DCDC1: variants seen among roughly 807,000 people sequenced by gnomAD.
DCDC1 encodes doublecortin domain containing 1.
In DCDC1, 200 loss-of-function variants were observed where a neutral mutation model predicts 178.3. The observed-to-expected ratio is 1.12, with a 90% confidence interval of 1.00 to 1.26. The LOEUF (loss-of-function observed/expected upper bound fraction) is 1.26. Ranked by LOEUF, DCDC1 falls within the 50% of genes most tolerant of loss-of-function variation. DCDC1 has a pLI of 0.00. For missense variants in DCDC1, 1,983 were observed against 1,749.2 expected, an observed-to-expected ratio of 1.13 and a Z score of -2.38; for synonymous variants, 690 against 604.8, an observed-to-expected ratio of 1.14 and a Z score of -2.07.
At chr11:30,969,416 A>C (rs1949654403) in intron 20 of DCDC1, among the ~76,000 whole-genome samples, 1 of 152,200 alleles carries the variant, frequency 6.6e-6, no homozygotes, top group East Asian at 1.9e-4. Context: ...CTGAGAGGCA[A>C]GGAATGTATT....
intron 20 of DCDC1, among the ~76,000 whole-genome samples, chr11:31,060,330 T>C (rs1028006016): frequency 1.3e-5 from 2 of 152,074 alleles, no homozygotes; most frequent in Admixed American, 6.6e-5. Context: ...TTCATTTTAA[T>C]GTAAACAATT....
At chr11:31,243,264 C>CT (rs1977404980) in intron 8 of DCDC1, among the ~76,000 whole-genome samples, 1 of 151,682 alleles carries the variant, frequency 6.6e-6, no homozygotes. Context: ...AGAAACCTAG[C>CT]TTAAGAATCA....
chr11:31,180,788 A>G (rs1462671945), intron 9 of DCDC1, among the ~76,000 whole-genome samples: 1 of 151,770 alleles, frequency 6.6e-6, no homozygotes, highest in African/African-American at 2.4e-5. Context: ...TTAGGCAGAC[A>G]CTGAGCTAGC....
chr11:30,988,108 A>G (rs1380651577), intron 20 of DCDC1, among the ~76,000 whole-genome samples: 1 of 152,184 alleles, frequency 6.6e-6, no homozygotes, highest in Non-Finnish European at 1.5e-5. Context: ...CATAATGAAG[A>G]GTACTAAGCA....
At chr11:31,289,537 A>C (rs1033950320) in intron 7 of DCDC1, among the ~76,000 whole-genome samples, 1 of 152,078 alleles carries the variant, frequency 6.6e-6, no homozygotes, top group African/African-American at 2.4e-5. Flanking sequence ...TTAAAATTCT[A>C]GTATCTAGTC....
chr11:31,045,874 A>G (rs561407708), intron 20 of DCDC1, among the ~76,000 whole-genome samples: 2 of 152,294 alleles, frequency 1.3e-5, no homozygotes, highest in Admixed American at 1.3e-4. Flanking sequence ...GCAGTTACAC[A>G]GAGCAGTCCC....
At chr11:30,893,912 T>C (rs537995766) in intron 35 of DCDC1, among the ~76,000 whole-genome samples, 1 of 152,344 alleles carries the variant, frequency 6.6e-6, no homozygotes, top group South Asian at 2.1e-4. Flanking sequence ...TATTGAGACA[T>C]GCCCTTAGGA....
chr11:30,921,934 A>G (rs1323059733), intron 24 of DCDC1, among the ~76,000 whole-genome samples: 1 of 152,108 alleles, frequency 6.6e-6, no homozygotes, highest in Non-Finnish European at 1.5e-5. Flanking sequence ...CAAGGACTGC[A>G]GAGGTGATGA....
intron 36 of DCDC1, among the ~76,000 whole-genome samples, chr11:30,891,704 C>T (rs1326623121): frequency 1.3e-5 from 2 of 152,030 alleles, no homozygotes; most frequent in Admixed American, 6.5e-5. Flanking sequence ...TTCCTTTTTT[C>T]CCTACATGTA....
chr11:31,141,802 T>C (rs772804901), intron 9 of DCDC1, among the ~76,000 whole-genome samples: 8 of 152,214 alleles, frequency 5.3e-5, no homozygotes, highest in Admixed American at 2.6e-4. Flanking sequence ...TAAGGTCCTA[T>C]TCAGTTACAG....
At chr11:31,102,477 G>C (rs1310537143) in intron 14 of DCDC1, among the ~76,000 whole-genome samples, 195 bp from the exon 15 acceptor site, 1 of 152,116 alleles carries the variant, frequency 6.6e-6, no homozygotes, top group South Asian at 2.1e-4. Context: ...CTATCAATGA[G>C]TATGTCCCTC....
intron 14 of DCDC1, among the ~76,000 whole-genome samples, 169 bp downstream of exon 14, chr11:31,103,475 G>A (rs1958636202): frequency 6.6e-6 from 1 of 152,002 alleles, no homozygotes; most frequent in African/African-American, 2.4e-5. Context: ...AGTCTTTTAG[G>A]CACTACCTCA....
intron 21 of DCDC1, among the ~76,000 whole-genome samples, chr11:30,942,955 C>T (rs947699877): frequency 4.6e-5 from 7 of 152,138 alleles, no homozygotes; most frequent in African/African-American, 1.7e-4. Flanking sequence ...TCATTCTGTC[C>T]TTCATAGACA....
Position 31,217,068 on chromosome 11 carries a change from G to C in DCDC1, c.1221+24382C>G, listed in dbSNP as rs117813893. Among the ~76,000 whole-genome samples the C allele has an allele frequency of 4.9e-3, 743 of 152,228 alleles. 3 individuals carry two copies. Among genetic ancestry groups the C allele is most frequent in the Non-Finnish European group, 8.3e-3 (567 of 68,002 alleles). On this transcript the variant is annotated intron_variant, in intron 9 of 38. Transcript: ENST00000684477. ...CAATAAAGAAGGATCCTCCCTGCTGGGGTAAATCACTCCCCCTCCTCTACA... is the reference window on the plus strand; with the variant it reads ...CAATAAAGAAGGATCCTCCCTGCTGCGGTAAATCACTCCCCCTCCTCTACA...
chr11:31,228,283 A>C (rs1975277751), intron 9 of DCDC1, among the ~76,000 whole-genome samples: 1 of 152,218 alleles, frequency 6.6e-6, no homozygotes, highest in South Asian at 2.1e-4. Flanking sequence ...ACAGAAACCC[A>C]AAAATAATGG....
At chr11:31,053,237 CTT>C (rs1955376717) in intron 20 of DCDC1, among the ~76,000 whole-genome samples, 1 of 151,974 alleles carries the variant, frequency 6.6e-6, no homozygotes. Flanking sequence ...CTACAAGAGA[CTT>C]ATAAATTCCT....
At chr11:31,118,081 A>G (rs910358777) in intron 11 of DCDC1, among the ~76,000 whole-genome samples, 1 of 152,140 alleles carries the variant, frequency 6.6e-6, no homozygotes, top group East Asian at 1.9e-4. Flanking sequence ...TGAGAAAAAC[A>G]TAGTCATGTG....
At chr11:31,148,272 CG>C (rs1233056899) in intron 9 of DCDC1, among the ~76,000 whole-genome samples, 21 of 148,992 alleles carry the variant, frequency 1.4e-4, no homozygotes, top group African/African-American at 5.0e-4. Context: ...TAAGGCCGGG[CG>C]CCGTGGCTCA....
Position 31,077,854 on chromosome 11 carries a change from A to G in DCDC1, c.2298+11T>C, listed in dbSNP as rs1195264169. ...CTTAGGCATAAAAGCTGTGGATTAT[A>G]AAGTCCTTACCTTTGAATAAATGCA... On this transcript the variant is annotated intron_variant, in intron 18 of 38. Transcript: ENST00000684477. The G allele has an allele frequency of 3.9e-6, 3 of 765,680 alleles. No homozygotes were observed. Among genetic ancestry groups the G allele is most frequent in the South Asian group, 2.7e-5 (2 of 74,490 alleles). The allele number at this position is 765,680 out of a possible 1,614,324, so 47.4% of individuals were successfully genotyped here.
Sources: gnomAD v4.1 joint callset for allele counts (sites outside exome capture counted in the v4.1 genomes callset) on GRCh38, gnomAD v4.1.1 for gene constraint, MANE v1.5 for transcripts, NCBI Gene and HGNC (gene_info 2026-07-23, HGNC 2026-07-21) for gene names.